The following DNAJC5 variants were observed in gnomAD, a reference collection of about 807,000 sequenced individuals.
DNAJC5 encodes dnaJ homolog subfamily C member 5.
Under a neutral mutation model 23.2 loss-of-function variants are expected in DNAJC5, and 1 was observed. That is an observed-to-expected ratio of 0.04 (90% CI 0.02 to 0.20). The LOEUF is 0.20. Ranked by LOEUF, DNAJC5 falls within the 10% of genes least tolerant of loss-of-function variation. The pLI, the probability that DNAJC5 is intolerant of heterozygous loss-of-function variation, is 1.00. For missense variants in DNAJC5, 180 were observed against 267.0 expected (o/e 0.67, Z 2.27); for synonymous variants, 136 against 120.0 (o/e 1.13, Z -0.87).
intron 1 of DNAJC5, among the ~76,000 whole-genome samples, chr20:63,901,886 A>C (rs1156578024): frequency 6.6e-6 from 1 of 152,204 alleles, no homozygotes; most frequent in Non-Finnish European, 1.5e-5. Context: ...CGTAGCCCTC[A>C]GATGGTGTCT....
chr20:63,911,078 A>G (rs979534373), intron 1 of DNAJC5, among the ~76,000 whole-genome samples: 17 of 152,216 alleles, frequency 1.1e-4, no homozygotes, highest in African/African-American at 4.1e-4. Context: ...AAGAAAAAAA[A>G]TCTTTATTAG....
chr20:63,933,976 T>A lies in DNAJC5; in HGVS notation c.*2408T>A, dbSNP rs1014902382. On this transcript the variant is annotated 3_prime_UTR_variant, in exon 5 of 5. Transcript: ENST00000360864. ...GGGTAGGGTGGGAAAGAGGAGCAGG[T>A]CTGGAGGTTTGTGGAACCCAGTCCC... 5.9e-5 allele frequency: 9 copies of A among 152,222 alleles called. No homozygotes were observed. Among genetic ancestry groups the A allele is most frequent in the Admixed American group, 5.2e-4 (8 of 15,276 alleles). 9.4% of individuals were successfully genotyped at this position (152,222 alleles called of 1,614,324 possible). A position where few individuals can be genotyped will look rare whatever the true frequency, so the allele number is the denominator to read the frequency against.
intron 1 of DNAJC5, among the ~76,000 whole-genome samples, chr20:63,918,102 G>A (rs911570263): frequency 9.8e-5 from 15 of 152,302 alleles, no homozygotes; most frequent in East Asian, 5.8e-4. Flanking sequence ...GATGTCCTTC[G>A]GTGCAAGAGT....
intron 1 of DNAJC5, among the ~76,000 whole-genome samples, chr20:63,903,242 G>T (rs1432352115): frequency 2.0e-5 from 3 of 152,130 alleles, no homozygotes; most frequent in Admixed American, 6.5e-5. Flanking sequence ...CATGCCTACA[G>T]TCTCAGTAGA....
chr20:63,924,737 C>G (rs1276985916), intron 1 of DNAJC5, among the ~76,000 whole-genome samples: 1 of 152,072 alleles, frequency 6.6e-6, no homozygotes, highest in African/African-American at 2.4e-5. Context: ...TAGTCCCGTG[C>G]CTGCGGCATG....
At chr20:63,896,084 T>A (rs1163699914) in intron 1 of DNAJC5, among the ~76,000 whole-genome samples, 1 of 152,194 alleles carries the variant, frequency 6.6e-6, no homozygotes. Flanking sequence ...GGCTTAGGCT[T>A]GGTTGGGAAG....
Position 63,932,341 on chromosome 20 carries a change from C to G in DNAJC5, c.*773C>G, listed in dbSNP as rs1193906886. ...CCGTTCTGGTTCTCGGAGGTGTGTC[C>G]TTCGCCGTGTTGGGGTTATTTGTCT... On this transcript the variant is annotated 3_prime_UTR_variant, in exon 5 of 5. Coordinates refer to ENST00000360864, the MANE Select transcript of DNAJC5 (RefSeq NM_025219.3). This position sits in a 1 kb window ranked among gnomAD's most constrained non-coding sequence, Gnocchi z 4.4. The G allele has an allele frequency of 6.6e-6, 1 of 152,598 alleles. No homozygotes were observed. The highest frequency in any genetic ancestry group is 2.4e-5 in the African/African-American group (1 of 41,350). The allele number at this position is 152,598 out of a possible 1,614,324, so 9.5% of individuals were successfully genotyped here. A position where few individuals can be genotyped will look rare whatever the true frequency, so the allele number is the denominator to read the frequency against.
At chr20:63,916,773 C>T (rs148687704) in intron 1 of DNAJC5, among the ~76,000 whole-genome samples, 1 of 152,252 alleles carries the variant, frequency 6.6e-6, no homozygotes, top group Non-Finnish European at 1.5e-5. Flanking sequence ...AGACCTCCCC[C>T]CAGGAATGCA....
chr20:63,920,877 A>G lies in DNAJC5; in HGVS notation c.-11-7458A>G, dbSNP rs1048429219. Among the ~76,000 whole-genome samples, 8 of 152,070 alleles carry G rather than the reference A, an allele frequency of 5.3e-5. No homozygotes were observed. Among genetic ancestry groups the G allele is most frequent in the South Asian group, 2.1e-4 (1 of 4,830 alleles). ...TTTTTAGTAGAGACAGGTTTTCTCC[A>G]TGTTGGTCAGGCTGGTCTCGAACTC... On this transcript the variant is annotated intron_variant, in intron 1 of 4. Transcript: ENST00000360864. The surrounding 1 kb of genome is among the most constrained non-coding windows in gnomAD (Gnocchi z 4.6).
At chr20:63,914,561 C>T (rs2053503747) in intron 1 of DNAJC5, among the ~76,000 whole-genome samples, 3 of 151,368 alleles carry the variant, frequency 2.0e-5, no homozygotes, top group African/African-American at 4.9e-5. Flanking sequence ...TCGTGATCCA[C>T]CCGCCTCGGC....
intron 1 of DNAJC5, among the ~76,000 whole-genome samples, chr20:63,927,134 T>G: frequency 6.6e-6 from 1 of 152,194 alleles, no homozygotes; most frequent in East Asian, 1.9e-4. Context: ...GTGTACAGCA[T>G]TCAGTTAAAA....
At chr20:63,915,525 G>A (rs1170449151) in intron 1 of DNAJC5, among the ~76,000 whole-genome samples, 1 of 152,152 alleles carries the variant, frequency 6.6e-6, no homozygotes, top group Non-Finnish European at 1.5e-5. Context: ...AACCAGTGAA[G>A]GGTCGGTGTC....
Position 63,930,852 on chromosome 20 carries a change from C to T in DNAJC5, c.323C>T (p.Ala108Val). Residue 108 changes from alanine to valine, a missense_variant and splice_region_variant, in exon 4 of 5, where the codon GCC becomes GTC. Coordinates refer to ENST00000360864, the MANE Select transcript of DNAJC5 (RefSeq NM_025219.3). The part of the protein sequence containing the change: ...YFVLSSWWAK[A>V]LFVFCGLLTC... ...AACACCACCTTCTTCTCCCCCCAGG[C>T]CCTGTTTGTCTTCTGCGGCCTCCTC... 1 of 1,612,662 alleles carries T rather than the reference C, an allele frequency of 6.2e-7. No individual in the cohort carries two copies.
intron 1 of DNAJC5, among the ~76,000 whole-genome samples, chr20:63,904,153 G>A (rs367612616): frequency 2.6e-4 from 39 of 152,304 alleles, no homozygotes; most frequent in African/African-American, 9.1e-4. Flanking sequence ...TGCATTAGCC[G>A]TAATCCCCAG....
intron 1 of DNAJC5, among the ~76,000 whole-genome samples, chr20:63,907,620 A>G (rs2053456150): frequency 1.3e-5 from 2 of 152,156 alleles, no homozygotes; most frequent in South Asian, 4.1e-4. Context: ...TGTTCAGTAG[A>G]TGGCAGGCAC....
chr20:63,911,867 A>T (rs1350819646), intron 1 of DNAJC5, among the ~76,000 whole-genome samples: 6 of 151,182 alleles, frequency 4.0e-5, no homozygotes, highest in Non-Finnish European at 5.9e-5. Flanking sequence ...TTTAATAGAG[A>T]TGGGGTTTCA....
At chr20:63,919,066 TG>T (rs1387908760) in intron 1 of DNAJC5, among the ~76,000 whole-genome samples, 1 of 152,222 alleles carries the variant, frequency 6.6e-6, no homozygotes, top group African/African-American at 2.4e-5. Flanking sequence ...ATAAAACGTT[TG>T]CTGCACACAC....
chr20:63,911,421 T>C (rs1209225142), intron 1 of DNAJC5, among the ~76,000 whole-genome samples: 1 of 152,168 alleles, frequency 6.6e-6, no homozygotes, highest in African/African-American at 2.4e-5. Flanking sequence ...AGCATGGGGC[T>C]TGTTACTGTG....
rs1449744958 is a variant in DNAJC5 at position 63,895,340 on chromosome 20, T to G, written c.-12+17T>G. 2.8e-5 allele frequency: 4 copies of G among 141,288 alleles called. No homozygotes were observed. The highest frequency in any genetic ancestry group is 5.2e-5 in the African/African-American group (2 of 38,726). 8.8% of individuals were successfully genotyped at this position (141,288 alleles called of 1,614,324 possible). ...GACGGGCAGGTGAGCTCGCTGCGGG[T>G]CGGGCGGGCGGATCGGCCCACGTCA... On this transcript the variant is annotated intron_variant, in intron 1 of 4. Transcript: ENST00000360864.
Sources: allele counts gnomAD v4.1 joint callset (sites outside exome capture counted in the v4.1 genomes callset), GRCh38; gene constraint gnomAD v4.1.1; non-coding constraint Gnocchi (gnomAD v3.1); transcripts MANE v1.5; gene names NCBI Gene and HGNC (gene_info 2026-07-23, HGNC 2026-07-21).